The following VEZF1 variants were observed in gnomAD, a reference collection of about 807,000 sequenced individuals.
VEZF1 encodes the protein vascular endothelial zinc finger 1.
VEZF1 carries 5 observed loss-of-function variants against 44.1 expected under a neutral mutation model. The ratio of observed to expected loss-of-function variants is 0.11; its 90% CI spans 0.06 to 0.24. The LOEUF is 0.24. Among genes scored for constraint, VEZF1 ranks in the 10% least tolerant of loss-of-function variants. VEZF1 has a pLI of 1.00. For missense variants in VEZF1, 358 were observed against 641.8 expected (o/e 0.56, Z 4.78); for synonymous variants, 236 against 233.1 (o/e 1.01, Z -0.11).
chr17:57,980,887 C>T, intron 3 of VEZF1, 101 bp from the exon 4 acceptor site: 2 of 1,156,894 alleles, frequency 1.7e-6, no homozygotes, highest in African/African-American at 1.6e-5. Context: ...CATCAGCAAG[C>T]TGACAACTAG....
chr17:57,986,761 G>C (rs1291704954), intron 1 of VEZF1, among the ~76,000 whole-genome samples: 1 of 152,226 alleles, frequency 6.6e-6, no homozygotes, highest in Non-Finnish European at 1.5e-5. Flanking sequence ...GATGAATCCA[G>C]TGGCTGGGAG....
Position 57,982,282 on chromosome 17 carries a change from G to T in VEZF1, c.729-346C>A, listed in dbSNP as rs183165664. 1.5e-3 allele frequency among the ~76,000 whole-genome samples: 223 copies of T among 152,114 alleles called. 1 individual carries two copies. The highest frequency in any genetic ancestry group is 5.2e-3 in the African/African-American group (215 of 41,480). On this transcript the variant is annotated intron_variant, in intron 2 of 5. Coordinates refer to ENST00000581208, the MANE Select transcript of VEZF1 (RefSeq NM_007146.3). ...ATAAATGAAAATTAGTGAAATGTTGGTGCTCTCAGAAAAATGAAAAAACAT... is the reference window on the plus strand; with the variant it reads ...ATAAATGAAAATTAGTGAAATGTTGTTGCTCTCAGAAAAATGAAAAAACAT...
At position 57,982,993 on chromosome 17, in the gene VEZF1, C is replaced by T. The variant is rs373551310; in HGVS notation, c.434G>A (p.Gly145Asp). The T allele has an allele frequency of 3.1e-6, 5 of 1,614,108 alleles. No homozygotes were observed. The East Asian group carries it at 1.1e-4, about 36-fold the overall frequency. The change falls in exon 2 of 6, where the codon GGC (glycine) becomes GAC (aspartate). Residue 145 changes from glycine to aspartate, a missense_variant. By Grantham distance (94) the Gly-to-Asp change is moderately conservative. This residue lies in a region of VEZF1 where 117 missense variants were observed against 207.2 expected (regional missense o/e 0.56). Transcript: ENST00000581208. Reference sequence around the variant, plus strand: ...GCTGGCACTGCTACTGGGGTTGGTGCCCGAGGAAGATGTAGTGACTGTTGA... The same window carrying T: ...GCTGGCACTGCTACTGGGGTTGGTGTCCGAGGAAGATGTAGTGACTGTTGA... Reference protein sequence around the residue: ...ILSTVTTSSSGTNPSSSASTT... With the variant: ...ILSTVTTSSSDTNPSSSASTT...
In VEZF1 at chr17:57,982,984, G is replaced by C; in HGVS notation, c.443C>G (p.Pro148Arg). Reference sequence around the variant, plus strand: ...AGCTGTGGTGCTGGCACTGCTACTGGGGTTGGTGCCCGAGGAAGATGTAGT... The same window carrying C: ...AGCTGTGGTGCTGGCACTGCTACTGCGGTTGGTGCCCGAGGAAGATGTAGT... ...TVTTSSSGTN[P>R]SSSASTTAMP... is the part of the protein sequence containing the mutation. The change falls in exon 2 of 6, where the codon CCC becomes CGC. Residue 148 changes from proline (P) to arginine (R), a missense_variant. Coordinates refer to ENST00000581208, the MANE Select transcript of VEZF1 (RefSeq NM_007146.3). The C allele has an allele frequency of 6.2e-7, 1 of 1,614,130 alleles. No homozygotes were observed. The highest frequency in any genetic ancestry group is 8.5e-7 in the Non-Finnish European group (1 of 1,180,024).
chr17:57,985,499 G>A, intron 1 of VEZF1: 1 of 942,462 alleles, frequency 1.1e-6, no homozygotes, highest in Non-Finnish European at 1.3e-6. Context: ...AACAACCACG[G>A]CCAGCCTTCA....
At chr17:57,978,483 A>G (rs2075213878) in intron 5 of VEZF1, among the ~76,000 whole-genome samples, 1 of 152,258 alleles carries the variant, frequency 6.6e-6, no homozygotes, top group South Asian at 2.1e-4. Context: ...TAGTAAGTTG[A>G]AAAGTACGTT....
intron 5 of VEZF1, among the ~76,000 whole-genome samples, chr17:57,978,834 T>C (rs761482121): frequency 2.0e-5 from 3 of 151,434 alleles, no homozygotes; most frequent in Non-Finnish European, 2.9e-5. Context: ...TGCATGGAGG[T>C]TGACATCAAA....
rs57786397 is a variant in VEZF1, at chr17:57,979,243, T to TTGCTGC, written c.1041_1046dup (p.Gln353_Gln354dup). On this transcript the variant is annotated inframe_insertion, in exon 5 of 6. Coordinates refer to ENST00000581208, the MANE Select transcript of VEZF1 (RefSeq NM_007146.3). ...TTGTCACATGTTGTTGTTGTTGTTG[T>TTGCTGC]TGCTGCTGCTGCTGCTGCTGCTGCT... 0.019 allele frequency: 30,847 copies of TTGCTGC among 1,595,668 alleles called. 252 individuals carry two copies. The highest frequency in any genetic ancestry group is 0.023 in the Non-Finnish European group (27,384 of 1,167,548).
chr17:57,981,766 G>A lies in VEZF1; in HGVS notation c.792+107C>T, dbSNP rs116062926. On this transcript the variant is annotated intron_variant, in intron 3 of 5. Coordinates refer to ENST00000581208, the MANE Select transcript of VEZF1 (RefSeq NM_007146.3). The stretch of plus-strand genomic sequence containing the variant: ...AGTCAAATGGGCCACATTTACTCAG[G>A]TCAGTGATTTTAAGACTATTCAAGA... 1.6e-3 allele frequency: 1,601 copies of A among 1,006,508 alleles called. 16 individuals carry two copies. In the African/African-American group the frequency reaches 0.024, roughly 15 times the overall value. The allele number at this position is 1,006,508 out of a possible 1,614,324, so 62.3% of individuals were successfully genotyped here.
chr17:57,982,064 C>T, intron 2 of VEZF1, 128 bp from the exon 3 acceptor site: 1 of 883,384 alleles, frequency 1.1e-6, no homozygotes, highest in Admixed American at 2.1e-5. Flanking sequence ...AATTACCAAC[C>T]TCCCTCCCCC....
At position 57,979,320 on chromosome 17, in the gene VEZF1, C is replaced by T. The variant is rs758695330; in HGVS notation, c.977-7G>A. On this transcript the variant is annotated splice_polypyrimidine_tract_variant and splice_region_variant and intron_variant, in intron 4 of 5. Coordinates refer to ENST00000581208, the MANE Select transcript of VEZF1 (RefSeq NM_007146.3). ...GTCTCTTCACTCATGCATGCTATTA[C>T]AAAGACAAACCAAAAACACTGTATC... 18 of 1,613,500 alleles carry T rather than the reference C, an allele frequency of 1.1e-5. No homozygotes were observed. In the African/African-American group the frequency reaches 1.7e-4, roughly 16 times the overall value.
Position 57,983,033 on chromosome 17 carries a change from T to C in VEZF1, c.394A>G (p.Ile132Val), listed in dbSNP as rs1405875124. 6.2e-7 allele frequency: 1 copy of C among 1,614,184 alleles called. No homozygotes were observed. The highest frequency in any genetic ancestry group is 8.5e-7 in the Non-Finnish European group (1 of 1,180,020). The change falls in exon 2 of 6, where the codon ATT (isoleucine) becomes GTT (valine). Residue 132 changes from isoleucine to valine, a missense_variant. Ile to Val is a conservative substitution (Grantham distance 29). Around this residue, in one of 4 missense-constraint regions of VEZF1, gnomAD observed 117 missense variants for 207.2 expected, o/e 0.56. Coordinates refer to ENST00000581208, the MANE Select transcript of VEZF1 (RefSeq NM_007146.3). ...DSSRTSLVST[I>V]AGILSTVTTS... is the part of the protein sequence containing the mutation. The stretch of plus-strand genomic sequence containing the variant: ...GTGACTGTTGACAAGATGCCTGCAA[T>C]GGTCGAGACCAACGAAGTTCGGCTG...
At chr17:57,979,658 A>G (rs887457546) in intron 4 of VEZF1, among the ~76,000 whole-genome samples, 5 of 152,004 alleles carry the variant, frequency 3.3e-5, no homozygotes, top group African/African-American at 1.2e-4. Flanking sequence ...AATAATGTAC[A>G]CTAAAAGTGA....
intron 1 of VEZF1, among the ~76,000 whole-genome samples, chr17:57,984,169 C>T (rs1475451065): frequency 6.6e-6 from 1 of 152,196 alleles, no homozygotes; most frequent in African/African-American, 2.4e-5. Flanking sequence ...AAACTATAAA[C>T]ACTTAAATTC....
At chr17:57,975,021 T>C in intron 5 of VEZF1, 121 bp from the exon 6 acceptor site, 1 of 1,173,416 alleles carries the variant, frequency 8.5e-7, no homozygotes, top group South Asian at 1.6e-5. Context: ...ATTCCAGTTT[T>C]CTATCAAGCG....
intron 4 of VEZF1, among the ~76,000 whole-genome samples, chr17:57,979,713 A>T (rs796329260): frequency 1.9e-4 from 29 of 152,246 alleles, no homozygotes; most frequent in African/African-American, 6.7e-4. Context: ...TAATCCTAGC[A>T]CTTTGGGAGG....
Position 57,988,124 on chromosome 17 carries a change from C to T in VEZF1, c.-13G>A, listed in dbSNP as rs1351317128. On this transcript the variant is annotated 5_prime_UTR_variant, in exon 1 of 6. Transcript: ENST00000581208. ...AGTTGGCCTCCATGGCTGCGGCGGC[C>T]GACCCCCCTCCTCCCCACTCCCCCC... 2 of 822,532 alleles carry T rather than the reference C, an allele frequency of 2.4e-6. No homozygotes were observed. The highest frequency in any genetic ancestry group is 3.1e-6 in the Non-Finnish European group (2 of 641,976). 51.0% of individuals were successfully genotyped at this position (822,532 alleles called of 1,614,324 possible).
intron 1 of VEZF1, 45 bp from the exon 2 acceptor site, chr17:57,983,438 G>A (rs1181954919): frequency 1.7e-5 from 25 of 1,513,056 alleles, no homozygotes; most frequent in Non-Finnish European, 2.2e-5. Context: ...CTCTCACAAT[G>A]GCCTTCGAAA....
At chr17:57,981,963 G>A (rs1192914853) in intron 2 of VEZF1, 27 bp from the exon 3 acceptor site, 12 of 1,609,038 alleles carry the variant, frequency 7.5e-6, no homozygotes, top group Non-Finnish European at 9.4e-6. Flanking sequence ...TTCAACAGAA[G>A]ATATAATCGA....
Sources: gnomAD v4.1 joint callset for allele counts (sites outside exome capture counted in the v4.1 genomes callset) on GRCh38, gnomAD v4.1.1 for gene constraint, gnomAD v4.1.1 regional missense constraint, MANE v1.5 for transcripts, NCBI Gene and HGNC (gene_info 2026-07-23, HGNC 2026-07-21) for gene names.